Variants in MID1 observed in about 807,000 individuals in gnomAD.
MID1 encodes the protein E3 ubiquitin-protein ligase Midline-1.
In MID1, 7 loss-of-function variants were observed where a neutral mutation model predicts 40.4. That is an observed-to-expected ratio of 0.17 (90% CI 0.10 to 0.33). The LOEUF is 0.33. Among genes scored for constraint, MID1 ranks in the 10% least tolerant of loss-of-function variants. The probability of loss-of-function intolerance (pLI) is 1.00; values close to 1 mark genes in which losing one functional copy is unlikely to be tolerated. For missense variants in MID1, 367 were observed against 558.5 expected (o/e 0.66, Z 3.46); for synonymous variants, 229 against 221.2 (o/e 1.04, Z -0.31).
intron 3 of MID1, among the ~76,000 whole-genome samples, chrX:10,506,959 T>C (rs1019346381): frequency 8.9e-6 from 1 of 111,833 alleles, no homozygotes; most frequent in African/African-American, 3.3e-5. Flanking sequence ...ACGTGACATC[T>C]AGCGTGTCAG....
intron 1 of MID1, among the ~76,000 whole-genome samples, chrX:10,573,272 A>G (rs1934787110): frequency 8.9e-6 from 1 of 112,217 alleles, no homozygotes; most frequent in Admixed American, 9.4e-5. Flanking sequence ...TTGCTATAAC[A>G]GAATACCTGA....
In MID1 at chrX:10,470,247, C is replaced by T. The variant is rs750054197; in HGVS notation, c.1142-407G>A. Among the ~76,000 whole-genome samples the T allele has an allele frequency of 4.5e-5, 5 of 112,074 alleles. No homozygotes were observed. In the South Asian group the frequency reaches 1.5e-3, roughly 34 times the overall value. ...AATGTTTCCAGCTTTGTGGGCCATA[C>T]AGTCTCTGTTGCAACTAGTCAACTC... On this transcript the variant is annotated intron_variant, in intron 6 of 9. Coordinates refer to ENST00000317552, the MANE Select transcript of MID1 (RefSeq NM_000381.4).
intron 8 of MID1, among the ~76,000 whole-genome samples, chrX:10,456,992 A>G (rs1162493853): frequency 8.9e-6 from 1 of 112,267 alleles, no homozygotes; most frequent in Non-Finnish European, 1.9e-5. Context: ...AGTCCTTAGG[A>G]ATGATCATGC....
rs1185130562 is a variant in MID1, at chrX:10,718,770, C to T, written c.-186-98351G>A. 1.3e-4 allele frequency among the ~76,000 whole-genome samples: 14 copies of T among 111,801 alleles called. No homozygotes were observed. In the Middle Eastern group the frequency reaches 0.014, roughly 111 times the overall value. ...AAAAGAGAATTTTAGACCAATATAC[C>T]TGATGAACATCGATGCAAAAATCCT... On this transcript the variant is annotated intron_variant, in intron 1 of 10. Coordinates refer to the MID1 transcript ENST00000380785.
At chrX:10,602,754 T>C (rs1401810302) in intron 1 of MID1, among the ~76,000 whole-genome samples, 1 of 112,448 alleles carries the variant, frequency 8.9e-6, no homozygotes, top group Admixed American at 9.4e-5. Context: ...TTTCTTACAG[T>C]CCCTAGGGAT....
chrX:10,703,529 C>G (rs999775277), intron 1 of MID1, among the ~76,000 whole-genome samples: 10 of 110,647 alleles, frequency 9.0e-5, no homozygotes, highest in African/African-American at 3.0e-4. Flanking sequence ...TAGCCGGGTG[C>G]GGTGGTGCGC....
At chrX:10,570,501 G>A (rs888981672) in intron 1 of MID1, among the ~76,000 whole-genome samples, 4 of 112,118 alleles carry the variant, frequency 3.6e-5, no homozygotes, top group African/African-American at 9.7e-5. Flanking sequence ...TTTGAAGAAC[G>A]TACCACCAAC....
At chrX:10,718,075 A>AT (rs1472442226) in intron 1 of MID1, among the ~76,000 whole-genome samples, 3 of 112,041 alleles carry the variant, frequency 2.7e-5, no homozygotes, top group African/African-American at 9.7e-5. Flanking sequence ...ATAGCACTAA[A>AT]TGCCCACAAG....
chrX:10,717,257 A>G (rs1050797433), intron 1 of MID1, among the ~76,000 whole-genome samples: 5 of 110,914 alleles, frequency 4.5e-5, no homozygotes, highest in Non-Finnish European at 7.5e-5. Context: ...GGCAAATTCG[A>G]TAAAGAGTCA....
intron 6 of MID1, among the ~76,000 whole-genome samples, chrX:10,471,041 T>A: frequency 8.9e-6 from 1 of 111,877 alleles, no homozygotes; most frequent in Non-Finnish European, 1.9e-5. Context: ...CCATATGGAC[T>A]GCAAAGCCTA....
chrX:10,470,035 G>C (rs1929612858), intron 6 of MID1, among the ~76,000 whole-genome samples, 195 bp from the exon 7 acceptor site: 1 of 112,352 alleles, frequency 8.9e-6, no homozygotes, highest in African/African-American at 3.2e-5. Flanking sequence ...AGTGTGACTA[G>C]AGTCAGCCAG....
At chrX:10,781,619 G>A (rs376472412) in intron 1 of MID1, among the ~76,000 whole-genome samples, 40 of 111,493 alleles carry the variant, frequency 3.6e-4, no homozygotes, top group East Asian at 1.7e-3. Flanking sequence ...TGCTTTTGTG[G>A]GTTTAAAATA....
At chrX:10,704,664 T>C (rs2043213688) in intron 1 of MID1, among the ~76,000 whole-genome samples, 1 of 103,097 alleles carries the variant, frequency 9.7e-6, no homozygotes, top group African/African-American at 3.5e-5. Flanking sequence ...TCAAGAAATA[T>C]ATATTATATA....
intron 4 of MID1, among the ~76,000 whole-genome samples, chrX:10,490,425 TG>T (rs1003202908): frequency 2.7e-5 from 3 of 112,186 alleles, no homozygotes; most frequent in African/African-American, 6.5e-5. Flanking sequence ...GCTTTATGGT[TG>T]TTTTTTTAAA....
chrX:10,770,651 A>G (rs930653330), intron 1 of MID1, among the ~76,000 whole-genome samples: 10 of 112,304 alleles, frequency 8.9e-5, no homozygotes, highest in Non-Finnish European at 1.5e-4. Flanking sequence ...CCCAGGAGAA[A>G]TGTCCCTTTC....
chrX:10,647,207 T>C (rs1197178448), intron 1 of MID1, among the ~76,000 whole-genome samples: 1 of 112,052 alleles, frequency 8.9e-6, no homozygotes, highest in Non-Finnish European at 1.9e-5. Context: ...TGTTCACCTA[T>C]ATTTAAGTGA....
At chrX:10,776,353 A>T (rs945483537) in intron 1 of MID1, among the ~76,000 whole-genome samples, 1 of 112,120 alleles carries the variant, frequency 8.9e-6, no homozygotes, top group African/African-American at 3.2e-5. Flanking sequence ...TATTCAGGAC[A>T]GTCAGAATAT....
intron 1 of MID1, among the ~76,000 whole-genome samples, chrX:10,792,288 T>C (rs1340558063): frequency 9.0e-6 from 1 of 111,296 alleles, no homozygotes; most frequent in Non-Finnish European, 1.9e-5. Context: ...TGCACCAGAC[T>C]AGAAAGAAGG....
rs1414758887 is a variant in MID1 at position 10,645,859 on chromosome X, G to A, written c.-186-25440C>T. ...CCCATCCCTCAACTCTCCTGGATTG[G>A]CAACCCAGATGTACAGGGAGTTGAC... On this transcript the variant is annotated intron_variant, in intron 1 of 10. Coordinates refer to the MID1 transcript ENST00000380785. 4.5e-5 allele frequency among the ~76,000 whole-genome samples: 5 copies of A among 111,653 alleles called. No individual in the cohort carries two copies. In the Admixed American group the frequency reaches 4.7e-4, roughly 11 times the overall value.
Sources: allele counts gnomAD v4.1 joint callset (sites outside exome capture counted in the v4.1 genomes callset), GRCh38; gene constraint gnomAD v4.1.1; transcripts MANE v1.5; gene names NCBI Gene and HGNC (gene_info 2026-07-23, HGNC 2026-07-21).